ZNF75D: variants seen among roughly 807,000 people sequenced by gnomAD.
ZNF75D encodes zinc finger protein 75D, also known as zinc finger protein 75.
In ZNF75D, 33 loss-of-function variants were observed where a neutral mutation model predicts 33.3. The ratio of observed to expected loss-of-function variants is 0.99; its 90% CI spans 0.75 to 1.32. The LOEUF is 1.32. ZNF75D is among the 40% of genes most tolerant of loss of function. ZNF75D has a pLI of 0.00. For synonymous variants in ZNF75D, 113 were observed against 130.6 expected, an observed-to-expected ratio of 0.87 and a Z score of 0.92; for missense variants, 338 against 367.5, an observed-to-expected ratio of 0.92 and a Z score of 0.66.
At chrX:135,270,371 ATATAT>A (rs1179060041) in intron 1 of ZNF75D, among the ~76,000 whole-genome samples, 11 of 91,512 alleles carry the variant, frequency 1.2e-4, no homozygotes, top group African/African-American at 4.1e-4. Context: ...ATATATATAT[ATATAT>A]ATATATATAT....
chrX:135,320,907 A>G (rs2084486963), intron 1 of ZNF75D, among the ~76,000 whole-genome samples: 1 of 111,234 alleles, frequency 9.0e-6, no homozygotes, highest in African/African-American at 3.3e-5. Flanking sequence ...GCTACAGAGG[A>G]AAGAAATGAG....
At chrX:135,323,989 GCACACACACA>G (rs34146473) in intron 1 of ZNF75D, among the ~76,000 whole-genome samples, 11 of 97,603 alleles carry the variant, frequency 1.1e-4, no homozygotes, top group Non-Finnish European at 2.1e-4. Flanking sequence ...ACTTGTTGCA[GCACACACACA>G]CACACACACA....
intron 1 of ZNF75D, chrX:135,309,776 G>A (rs2084336822): frequency 3.5e-6 from 1 of 287,143 alleles, no homozygotes; most frequent in Admixed American, 6.3e-5. Context: ...TCCCATGTTT[G>A]AGCCATTAAA....
intron 1 of ZNF75D, among the ~76,000 whole-genome samples, chrX:135,260,295 G>T (rs1202898475): frequency 8.9e-6 from 1 of 112,042 alleles, no homozygotes; most frequent in East Asian, 2.8e-4. Flanking sequence ...GTATCAGGGT[G>T]ATGTTGGCCT....
At chrX:135,258,066 G>C (rs1277433541) in intron 1 of ZNF75D, among the ~76,000 whole-genome samples, 3 of 108,105 alleles carry the variant, frequency 2.8e-5, no homozygotes, top group African/African-American at 9.9e-5. Flanking sequence ...TGCAGTGTTT[G>C]GTTTTCTGTC....
At chrX:135,267,556 T>C (rs1321886748) in intron 1 of ZNF75D, among the ~76,000 whole-genome samples, 2 of 110,504 alleles carry the variant, frequency 1.8e-5, no homozygotes, top group Admixed American at 9.6e-5. Flanking sequence ...CCTACAAAGA[T>C]TAAACAAGGA....
downstream of ZNF75D, among the ~76,000 whole-genome samples, chrX:135,280,890 G>C (rs1470458989): frequency 2.7e-5 from 3 of 111,921 alleles, no homozygotes; most frequent in Non-Finnish European, 5.6e-5. Context: ...TTTGTGGGTA[G>C]TCCGACCTTT....
intron 2 of ZNF75D, 137 bp from the exon 3 acceptor site, chrX:135,294,395 A>T (rs1556422219): frequency 6.8e-6 from 2 of 296,239 alleles, no homozygotes; most frequent in Non-Finnish European, 1.2e-5. Context: ...GCCAAGAATT[A>T]GAACATTCAT....
At chrX:135,325,426 G>A (rs982734789) in intron 1 of ZNF75D, among the ~76,000 whole-genome samples, 3 of 111,212 alleles carry the variant, frequency 2.7e-5, no homozygotes, top group Non-Finnish European at 5.7e-5. Flanking sequence ...GGCCAGAGCC[G>A]GCTCCCTCAG....
rs1385211588 is a variant in ZNF75D, at chrX:135,325,513, G to A, written c.-391+16255C>T. Among the ~76,000 whole-genome samples the A allele has an allele frequency of 1.1e-4, 12 of 111,741 alleles. No homozygotes were observed. The South Asian group carries it at 1.1e-3, about 11-fold the overall frequency. On this transcript the variant is annotated intron_variant, in intron 1 of 6. Transcript: ENST00000370766. ...CGGGCTTGCAGGCCAGCTGAGCTCC[G>A]GGTGGGCATGGGCTTGGCGGGCCCC...
chrX:135,273,744 G>A (rs1278638486), intron 1 of ZNF75D, among the ~76,000 whole-genome samples: 2 of 111,593 alleles, frequency 1.8e-5, no homozygotes, highest in Non-Finnish European at 3.8e-5. Context: ...AAAGGCTCTG[G>A]GGCATAATAC....
At chrX:135,308,635 AC>A (rs1173215335) in intron 1 of ZNF75D, among the ~76,000 whole-genome samples, 1 of 111,924 alleles carries the variant, frequency 8.9e-6, no homozygotes, top group Non-Finnish European at 1.9e-5. Context: ...GTTGGCATCC[AC>A]CCCTAGCCTT....
At chrX:135,271,634 C>A (rs1167685421) in intron 1 of ZNF75D, among the ~76,000 whole-genome samples, 2 of 111,994 alleles carry the variant, frequency 1.8e-5, no homozygotes, top group Non-Finnish European at 3.8e-5. Flanking sequence ...GGAGTCACAG[C>A]ATGTTCTGGT....
At chrX:135,310,859 A>T (rs1398069387) in intron 1 of ZNF75D, among the ~76,000 whole-genome samples, 3 of 111,324 alleles carry the variant, frequency 2.7e-5, no homozygotes, top group African/African-American at 9.8e-5. Context: ...AAATAGAACC[A>T]CAAGCCTCTC....
chrX:135,334,779 C>T (rs1438786772), intron 1 of ZNF75D, among the ~76,000 whole-genome samples: 2 of 111,453 alleles, frequency 1.8e-5, no homozygotes, highest in East Asian at 5.6e-4. Context: ...TGATCATCGC[C>T]CAGTGTGTCA....
At chrX:135,310,585 C>A (rs782750928) in intron 1 of ZNF75D, among the ~76,000 whole-genome samples, 59 of 111,569 alleles carry the variant, frequency 5.3e-4, no homozygotes, top group African/African-American at 1.8e-3. Context: ...ACGTAAGCTG[C>A]AAAATAAGCC....
chrX:135,292,614 G>C (rs2084061268), intron 3 of ZNF75D, 141 bp from the exon 4 acceptor site: 6 of 485,809 alleles, frequency 1.2e-5, no homozygotes, highest in Non-Finnish European at 1.7e-5. Context: ...GAGGTATTGT[G>C]CCACTATGTT....
chrX:135,303,146 T>C (rs1290517341), intron 1 of ZNF75D, among the ~76,000 whole-genome samples: 1 of 110,725 alleles, frequency 9.0e-6, no homozygotes, highest in Non-Finnish European at 1.9e-5. Context: ...CCTATCTCAG[T>C]AGGTGGAATA....
At chrX:135,308,478 G>A (rs2084316758) in intron 1 of ZNF75D, among the ~76,000 whole-genome samples, 1 of 112,054 alleles carries the variant, frequency 8.9e-6, no homozygotes, top group African/African-American at 3.2e-5. Flanking sequence ...GTATGGGAGA[G>A]TCATTTGTTC....
Sources: allele counts gnomAD v4.1 joint callset (sites outside exome capture counted in the v4.1 genomes callset), GRCh38; gene constraint gnomAD v4.1.1; transcripts MANE v1.5; gene names NCBI Gene and HGNC (gene_info 2026-07-23, HGNC 2026-07-21).